Variants in MGA observed in about 807,000 individuals in gnomAD.
The protein encoded by MGA is MAX dimerization protein MGA.
A neutral mutation model predicts 261.1 loss-of-function variants in MGA; 40 were observed. The observed-to-expected ratio is 0.15, with a 90% CI of 0.12 to 0.20. The LOEUF is 0.20. Among genes scored for constraint, MGA ranks in the 10% least tolerant of loss-of-function variants. The pLI, the probability that MGA is intolerant of heterozygous loss-of-function variation, is 1.00. For synonymous variants in MGA, 1,302 were observed against 1,290.6 expected (o/e 1.01, Z -0.19); for missense variants, 3,397 against 3,630.5 (o/e 0.94, Z 1.65).
chr15:41,727,198 C>G lies in MGA; in HGVS notation c.3449C>G (p.Pro1150Arg). The change falls in exon 10 of 24, where the codon CCT becomes CGT. Residue 1150 changes from proline to arginine, a missense_variant. Around this residue, in one of 9 missense-constraint regions of MGA, gnomAD observed 519 missense variants for 554.1 expected, o/e 0.94. Coordinates refer to ENST00000219905, the MANE Select transcript of MGA (RefSeq NM_001164273.2). ...TGTTAAGCTATATGTGAGACAGAGC[C>G]TGAACAGCCTGTTCGACATTACCCA... 1 of 1,613,614 alleles carries G rather than the reference C, an allele frequency of 6.2e-7. No homozygotes were observed. Among genetic ancestry groups the G allele is most frequent in the Non-Finnish European group, 8.5e-7 (1 of 1,179,760 alleles).
chr15:41,711,633 C>CCAATCTGT (rs1020109456), intron 8 of MGA, among the ~76,000 whole-genome samples: 36 of 152,302 alleles, frequency 2.4e-4, no homozygotes, highest in African/African-American at 8.2e-4. Flanking sequence ...TCTCTGATTT[C>CCAATCTGT]ATTTTCCAAC....
chr15:41,722,371 C>T (rs566277296), intron 9 of MGA, among the ~76,000 whole-genome samples: 47 of 152,090 alleles, frequency 3.1e-4, no homozygotes, highest in Admixed American at 5.2e-4. Flanking sequence ...CCTCGTGATC[C>T]GCCTGCCTCG....
chr15:41,702,090 C>A (rs542799778), intron 5 of MGA, among the ~76,000 whole-genome samples: 1 of 151,958 alleles, frequency 6.6e-6, no homozygotes, highest in Non-Finnish European at 1.5e-5. Context: ...GAGGCCAAGG[C>A]GGGTGGATCA....
chr15:41,718,573 A>G, intron 9 of MGA: 1 of 384,892 alleles, frequency 2.6e-6, no homozygotes, highest in South Asian at 6.5e-5. Context: ...GGCTTCTGCA[A>G]CTGCTTCTCG....
chr15:41,729,596 C>T (rs1201725590), intron 11 of MGA, among the ~76,000 whole-genome samples: 11 of 151,678 alleles, frequency 7.3e-5, no homozygotes, highest in Admixed American at 5.3e-4. Flanking sequence ...CTGAGGCAGG[C>T]GGATCAGTTG....
At chr15:41,659,927 A>G (rs1355388998), upstream of MGA, among the ~76,000 whole-genome samples, 1 of 152,196 alleles carries the variant, frequency 6.6e-6, no homozygotes, top group Non-Finnish European at 1.5e-5. Context: ...AGGTTTCCCA[A>G]TGCTCTGGAG....
At chr15:41,741,346 CA>C (rs11389766) in intron 14 of MGA, among the ~76,000 whole-genome samples, 29 of 72,326 alleles carry the variant, frequency 4.0e-4, no homozygotes, top group Admixed American at 2.0e-3. Flanking sequence ...ACTCCATCTC[CA>C]AAAAAAAAAA....
At chr15:41,763,301 C>T (rs921956930) in intron 22 of MGA, among the ~76,000 whole-genome samples, 1 of 150,986 alleles carries the variant, frequency 6.6e-6, no homozygotes, top group Non-Finnish European at 1.5e-5. Flanking sequence ...CGGGGTTTCA[C>T]CGTGTTAGCC....
At chr15:41,626,596 T>C (rs1489407544) in intron 1 of MGA, among the ~76,000 whole-genome samples, 3 of 152,012 alleles carry the variant, frequency 2.0e-5, no homozygotes, top group Non-Finnish European at 2.9e-5. Context: ...CTAATTTTTG[T>C]ATTTTTAGTA....
At chr15:41,738,117 T>C (rs531665682) in intron 13 of MGA, among the ~76,000 whole-genome samples, 27 of 152,008 alleles carry the variant, frequency 1.8e-4, no homozygotes, top group Non-Finnish European at 2.6e-4. Flanking sequence ...ATGATTGATA[T>C]AGGCTGGGCA....
At chr15:41,728,703 A>G (rs566040437) in intron 10 of MGA, among the ~76,000 whole-genome samples, 112 of 152,350 alleles carry the variant, frequency 7.4e-4, no homozygotes, top group Middle Eastern at 3.4e-3. Flanking sequence ...AAGAAAATCC[A>G]TATGTGAGTG....
intron 19 of MGA, among the ~76,000 whole-genome samples, 154 bp downstream of exon 19, chr15:41,757,993 A>G (rs1262764644): frequency 6.6e-6 from 1 of 152,154 alleles, no homozygotes; most frequent in Admixed American, 6.5e-5. Context: ...TCCTTAATCA[A>G]ATTATACTGC....
At chr15:41,622,619 C>T in intron 1 of MGA, among the ~76,000 whole-genome samples, 1 of 152,172 alleles carries the variant, frequency 6.6e-6, no homozygotes, top group East Asian at 1.9e-4. Context: ...CTACTATTGT[C>T]ATAACTGCGG....
chr15:41,718,202 TAAA>T (rs1430854245), intron 9 of MGA, among the ~76,000 whole-genome samples: 1 of 151,116 alleles, frequency 6.6e-6, no homozygotes, highest in Admixed American at 6.6e-5. Context: ...GTTAAATTGA[TAAA>T]AATTCAACAT....
At chr15:41,661,024 G>T (rs2057368282) in intron 1 of MGA, among the ~76,000 whole-genome samples, 1 of 152,218 alleles carries the variant, frequency 6.6e-6, no homozygotes, top group East Asian at 1.9e-4. Context: ...TTGGCGCAGC[G>T]TTTTGACACC....
chr15:41,669,111 G>A lies in MGA; in HGVS notation c.217G>A (p.Gly73Ser). Residue 73 changes from glycine (G) to serine (S), a missense_variant, in exon 2 of 24, where the codon GGT (glycine) becomes AGT (serine). Physicochemically the swap from Gly to Ser is moderately conservative, Grantham distance 56 (BLOSUM62 0). Around this residue, in one of 9 missense-constraint regions of MGA, gnomAD observed 81 missense variants for 84.3 expected, o/e 0.96. Coordinates refer to ENST00000219905, the MANE Select transcript of MGA (RefSeq NM_001164273.2). ...TTGCCTTCCAGCTGATTGTACTGTGGGTGGAATCACTGTTACCCTCGATAA... is the reference window on the plus strand; with the variant it reads ...TTGCCTTCCAGCTGATTGTACTGTGAGTGGAATCACTGTTACCCTCGATAA... 5.6e-6 allele frequency: 9 copies of A among 1,611,356 alleles called. No individual in the cohort carries two copies. Among genetic ancestry groups the A allele is most frequent in the Non-Finnish European group, 7.6e-6 (9 of 1,177,578 alleles).
chr15:41,710,993 C>A lies in MGA; in HGVS notation c.2728C>A (p.Arg910=), dbSNP rs761227360. ...AAACAGACAGGCAACTTTCAGTGGC[C>A]GAACTAAATCATCTTATAAATCCAT... The change falls in exon 8 of 24, where the codon CGA becomes AGA. Residue 910 remains arginine, a synonymous_variant. Coordinates refer to ENST00000219905, the MANE Select transcript of MGA (RefSeq NM_001164273.2). The A allele has an allele frequency of 1.9e-6, 3 of 1,613,788 alleles. No homozygotes were observed. The African/African-American group carries it at 4.0e-5, about 22-fold the overall frequency.
At chr15:41,688,243 T>G (rs2059073709) in intron 2 of MGA, among the ~76,000 whole-genome samples, 2 of 152,112 alleles carry the variant, frequency 1.3e-5, no homozygotes, top group Non-Finnish European at 2.9e-5. Flanking sequence ...GCCAACCTAA[T>G]TTTTTGTATT....
chr15:41,720,231 A>G (rs2151592142), intron 9 of MGA, among the ~76,000 whole-genome samples: 1 of 152,320 alleles, frequency 6.6e-6, no homozygotes, highest in African/African-American at 2.4e-5. Context: ...ATAGACAAGT[A>G]GAACAGAATA....
Sources: allele counts gnomAD v4.1 joint callset (sites outside exome capture counted in the v4.1 genomes callset), GRCh38; gene constraint gnomAD v4.1.1; regional missense constraint gnomAD v4.1.1; transcripts MANE v1.5; gene names NCBI Gene and HGNC (gene_info 2026-07-23, HGNC 2026-07-21).